The following SNX5 variants were observed in gnomAD, a reference collection of about 807,000 sequenced individuals.
SNX5 encodes sorting nexin-5.
In SNX5, 31 loss-of-function variants were observed where a neutral mutation model predicts 53.9. The ratio of observed to expected loss-of-function variants is 0.58; its 90% confidence interval spans 0.43 to 0.78. The LOEUF is 0.78. SNX5 is among the 30% of genes least tolerant of loss of function. SNX5 has a pLI of 0.00. For missense variants in SNX5, 471 were observed against 478.8 expected (o/e 0.98, Z 0.15); for synonymous variants, 168 against 171.1 (o/e 0.98, Z 0.14).
intron 11 of SNX5, chr20:17,943,989 T>C (rs984853): frequency 0.58 from 87,577 of 152,104 alleles, 25,623 homozygotes; most frequent in African/African-American, 0.68. Flanking sequence ...GTAGTATAGA[T>C]ACATTATACT....
rs1555786324 is a variant in SNX5 at position 17,948,917 on chromosome 20, G to A, written c.891C>T (p.Tyr297=). Residue 297 remains tyrosine (Y), a synonymous_variant, in exon 10 of 13, where the codon TAC becomes TAT. Coordinates refer to ENST00000377759, the MANE Select transcript of SNX5 (RefSeq NM_014426.4). ...EDLKLTELLR[Y]YMLNIEAAKD... Reference sequence around the variant, plus strand: ...TAGCAGCTTCAATGTTGAGCATGTAGTATCGGAGGAGCTCTGTTAGCTTCA... The same window carrying A: ...TAGCAGCTTCAATGTTGAGCATGTAATATCGGAGGAGCTCTGTTAGCTTCA... 2 of 1,611,872 alleles carry A rather than the reference G, an allele frequency of 1.2e-6. No homozygotes were observed. The highest frequency in any genetic ancestry group is 1.7e-6 in the Non-Finnish European group (2 of 1,179,806).
chr20:17,942,993 C>T lies in SNX5; in HGVS notation c.1164+117G>A, dbSNP rs368261922. On this transcript the variant is annotated intron_variant, in intron 12 of 12. Transcript: ENST00000377759. The stretch of plus-strand genomic sequence containing the variant: ...AGTGGCTCCCATCAACTAAGTACTA[C>T]AGACGATTAATACCACAAGGCCACC... 125 of 703,290 alleles carry T rather than the reference C, an allele frequency of 1.8e-4. No individual in the cohort carries two copies. The Admixed American group carries it at 1.9e-3, about 11-fold the overall frequency. The allele number at this position is 703,290 out of a possible 1,614,324, so 43.6% of individuals were successfully genotyped here.
intron 5 of SNX5, 36 bp from the exon 6 acceptor site, chr20:17,951,631 T>C (rs746758264): frequency 2.1e-6 from 3 of 1,397,048 alleles, no homozygotes; most frequent in South Asian, 1.2e-5. Context: ...TTATATGGTA[T>C]GGATTTTTCT....
intron 1 of SNX5, chr20:17,961,698 A>G (rs2035453123): frequency 2.0e-6 from 2 of 985,044 alleles, no homozygotes; most frequent in Non-Finnish European, 2.4e-6. Flanking sequence ...CACATGCTAC[A>G]GTGTCTTCTC....
chr20:17,954,508 C>T (rs2035321124), intron 3 of SNX5, among the ~76,000 whole-genome samples: 1 of 152,178 alleles, frequency 6.6e-6, no homozygotes, highest in Non-Finnish European at 1.5e-5. Flanking sequence ...AAAGGATAAT[C>T]AAGGACTCTA....
intron 1 of SNX5, chr20:17,961,610 T>A: frequency 3.0e-6 from 3 of 983,742 alleles, no homozygotes; most frequent in African/African-American, 1.7e-5. Context: ...TTACTACAGA[T>A]AGGATAAAAA....
At chr20:17,962,767 G>C (rs1362154738) in intron 1 of SNX5, 1 of 519,108 alleles carries the variant, frequency 1.9e-6, no homozygotes, top group Non-Finnish European at 3.8e-6. Context: ...CCCCGTCCCT[G>C]CTGACACCAA....
intron 1 of SNX5, 129 bp downstream of exon 1, chr20:17,968,246 C>T (rs2035596640): frequency 5.3e-6 from 4 of 758,554 alleles, no homozygotes; most frequent in Non-Finnish European, 7.2e-6. Flanking sequence ...GCCCGGGTCT[C>T]ACGGGTGCTT....
chr20:17,947,438 G>A (rs1482993064), intron 11 of SNX5, 48 bp downstream of exon 11: 3 of 1,580,516 alleles, frequency 1.9e-6, no homozygotes, highest in Non-Finnish European at 2.6e-6. Context: ...TTCTAAGTTT[G>A]AAATTATTTT....
In SNX5 at chr20:17,954,088, A is replaced by G. The variant is rs2035311553; in HGVS notation, c.297T>C (p.Phe99=). 1.9e-6 allele frequency: 3 copies of G among 1,613,864 alleles called. No homozygotes were observed. The highest frequency in any genetic ancestry group is 1.7e-5 in the Admixed American group (1 of 60,014). Residue 99 remains phenylalanine (F), a synonymous_variant, in exon 4 of 13, where the codon TTT becomes TTC. Transcript: ENST00000377759. Reference sequence around the variant, plus strand: ...TCTGCATCTTCTCTCGAGGACCATCAAAGTCGGGCTTCGTAGGAGCAGGTG... The same window carrying G: ...TCTGCATCTTCTCTCGAGGACCATCGAAGTCGGGCTTCGTAGGAGCAGGTG... ...IIPPAPTKPD[F]DGPREKMQKL...
chr20:17,966,032 C>G (rs1354505492), intron 1 of SNX5, among the ~76,000 whole-genome samples: 2 of 152,090 alleles, frequency 1.3e-5, no homozygotes, highest in Non-Finnish European at 2.9e-5. Context: ...AGCAGCAGTA[C>G]TTAGTCTACA....
chr20:17,968,477 G>A lies in SNX5; in HGVS notation c.-52C>T. ...GCCTGGCTGTGCGAGGAAAGAAGAA[G>A]CTGGGCCGCCGCCGCCGCCGCCTGG... is the stretch of plus-strand genomic sequence containing the variant. On this transcript the variant is annotated 5_prime_UTR_variant, in exon 1 of 13. Transcript: ENST00000377759. 2.3e-6 allele frequency: 3 copies of A among 1,289,382 alleles called. No homozygotes were observed. Among genetic ancestry groups the A allele is most frequent in the Non-Finnish European group, 3.0e-6 (3 of 1,016,562 alleles). 79.9% of individuals were successfully genotyped at this position (1,289,382 alleles called of 1,614,324 possible).
chr20:17,954,346 G>T, intron 3 of SNX5: 1 of 501,188 alleles, frequency 2.0e-6, no homozygotes, highest in Non-Finnish European at 3.4e-6. Context: ...CATTTGTTCA[G>T]TTTATCCATT....
In SNX5 at chr20:17,960,099, CAGATCCCTT is replaced by C. The variant is rs909724450; in HGVS notation, c.52-3071_52-3063del. On this transcript the variant is annotated intron_variant, in intron 1 of 12. Coordinates refer to ENST00000377759, the MANE Select transcript of SNX5 (RefSeq NM_014426.4). Reference sequence around the variant, plus strand: ...ACCATGCAAAGTTTTACCTCTTTTCCAGATCCCTTAGGTCACTTGTAAGAATCAAATTGA... The same window carrying C: ...ACCATGCAAAGTTTTACCTCTTTTCCAGGTCACTTGTAAGAATCAAATTGA... 4.0e-4 allele frequency among the ~76,000 whole-genome samples: 61 copies of C among 152,186 alleles called. 1 individual carries two copies. The highest frequency in any genetic ancestry group is 3.3e-4 in the Admixed American group (5 of 15,282).
At chr20:17,961,975 T>C (rs2035460312) in intron 1 of SNX5, 2 of 976,932 alleles carry the variant, frequency 2.0e-6, no homozygotes, top group East Asian at 1.1e-4. Context: ...TCCACAAATA[T>C]TAAAGATTCA....
chr20:17,950,245 G>A (rs1391131469), intron 7 of SNX5, 38 bp from the exon 8 acceptor site: 2 of 1,612,222 alleles, frequency 1.2e-6, no homozygotes, highest in Non-Finnish European at 1.7e-6. Flanking sequence ...TCCAAACACA[G>A]CCAGGCTCAT....
chr20:17,955,421 C>T lies in SNX5; in HGVS notation c.211G>A (p.Asp71Asn). 6.2e-7 allele frequency: 1 copy of T among 1,614,160 alleles called. No individual in the cohort carries two copies. Among genetic ancestry groups the T allele is most frequent in the East Asian group, 2.2e-5 (1 of 44,870 alleles). Reference sequence around the variant, plus strand: ...AGAGTGTCATGTAGCCACACAAAGTCTTCATGTTGCCTTGTAACAGAAAAC... The same window carrying T: ...AGAGTGTCATGTAGCCACACAAAGTTTTCATGTTGCCTTGTAACAGAAAAC... Reference protein sequence around the residue: ...PEFSVTRQHEDFVWLHDTLIE... With the variant: ...PEFSVTRQHENFVWLHDTLIE... The change falls in exon 3 of 13, where the codon GAC becomes AAC. Residue 71 changes from aspartate to asparagine, a missense_variant. Asp to Asn is a conservative substitution (Grantham distance 23, BLOSUM62 1). Transcript: ENST00000377759.
At chr20:17,964,713 GGCT>G (rs1162001275) in intron 1 of SNX5, among the ~76,000 whole-genome samples, 1 of 152,094 alleles carries the variant, frequency 6.6e-6, no homozygotes, top group East Asian at 1.9e-4. Context: ...TGTGACCACG[GGCT>G]ATTTAAGACA....
At chr20:17,956,830 C>G in intron 2 of SNX5, 103 bp downstream of exon 2, 1 of 708,174 alleles carries the variant, frequency 1.4e-6, no homozygotes, top group Middle Eastern at 3.8e-4. Context: ...TGCTACCCTA[C>G]GAATAGCAAC....
Sources: allele counts gnomAD v4.1 joint callset (sites outside exome capture counted in the v4.1 genomes callset), GRCh38; gene constraint gnomAD v4.1.1; transcripts MANE v1.5; gene names NCBI Gene and HGNC (gene_info 2026-07-23, HGNC 2026-07-21).